ACTR2: variants seen among roughly 807,000 people sequenced by gnomAD.
ACTR2 encodes the protein actin related protein 2, also known as actin-related protein 2.
In ACTR2, 5 loss-of-function variants were observed where a neutral mutation model predicts 50.2. The observed-to-expected ratio is 0.10, with a 90% CI of 0.05 to 0.21. ACTR2 has a LOEUF of 0.21. Among genes scored for constraint, ACTR2 ranks in the 10% least tolerant of loss-of-function variants. The pLI is 1.00. For synonymous variants in ACTR2, 140 were observed against 162.9 expected (o/e 0.86, Z 1.07); for missense variants, 180 against 480.6 (o/e 0.37, Z 5.85).
Position 65,265,225 on chromosome 2 carries a change from C to CAGT in ACTR2, c.1014+54_1014+56dup, listed in dbSNP as rs1313248267. The CAGT allele has an allele frequency of 1.9e-6, 3 of 1,606,646 alleles. No individual in the cohort carries two copies. The African/African-American group carries it at 4.0e-5, about 21-fold the overall frequency. On this transcript the variant is annotated intron_variant, in intron 8 of 8. Transcript: ENST00000260641. ...ACTAACATTCTTTTAAAAGGCTATACAGTAGTTTGTGAATCTTGACAACCA... is the reference window on the plus strand; with the variant it reads ...ACTAACATTCTTTTAAAAGGCTATACAGTAGTAGTTTGTGAATCTTGACAACCA...
chr2:65,253,620 T>C (rs533246838), intron 4 of ACTR2, 108 bp from the exon 5 acceptor site: 1 of 1,078,054 alleles, frequency 9.3e-7, no homozygotes, highest in Non-Finnish European at 1.4e-6. Context: ...AAATTCTGGC[T>C]TCTAGTTGGT....
In ACTR2 at chr2:65,232,669, A is replaced by G. The variant is rs57732099; in HGVS notation, c.48+4712A>G. On this transcript the variant is annotated intron_variant, in intron 1 of 8. Coordinates refer to ENST00000260641, the MANE Select transcript of ACTR2 (RefSeq NM_005722.4). ...CCCAGGTTATTATTTTTTTGAAGAG[A>G]AAAAAAAAATGTACTTTTAGAGCAG... Among the ~76,000 whole-genome samples, 1,154 of 143,732 alleles carry G rather than the reference A, an allele frequency of 8.0e-3. 27 individuals carry two copies. The highest frequency in any genetic ancestry group is 0.029 in the African/African-American group (1,064 of 36,192). The allele number at this position is 143,732 out of a possible 152,430, so 94.3% of individuals were successfully genotyped here.
chr2:65,255,500 C>T, intron 5 of ACTR2, 45 bp from the exon 6 acceptor site: 1 of 1,561,214 alleles, frequency 6.4e-7, no homozygotes. Flanking sequence ...CAGAGTAGAA[C>T]TCATTCAGAT....
At chr2:65,268,083 C>T (rs1173762559) in intron 8 of ACTR2, among the ~76,000 whole-genome samples, 5 of 151,824 alleles carry the variant, frequency 3.3e-5, no homozygotes, top group South Asian at 4.2e-4. Flanking sequence ...GTGATCCGCC[C>T]GCCTTGGCCT....
At chr2:65,251,128 C>G in intron 4 of ACTR2, 29 bp downstream of exon 4, 2 of 1,478,184 alleles carry the variant, frequency 1.4e-6, no homozygotes, top group Non-Finnish European at 1.9e-6. Context: ...TTAGAAAAAA[C>G]ACTTCATCAA....
chr2:65,253,960 C>T (rs1261409521), intron 5 of ACTR2, 96 bp downstream of exon 5: 1 of 1,016,534 alleles, frequency 9.8e-7, no homozygotes, highest in African/African-American at 1.6e-5. Context: ...TCCAGCAAAT[C>T]TGTACCACTA....
At chr2:65,267,805 A>G (rs1214837204) in intron 8 of ACTR2, among the ~76,000 whole-genome samples, 3 of 144,512 alleles carry the variant, frequency 2.1e-5, no homozygotes, top group Non-Finnish European at 3.0e-5. Context: ...GTTTTACTCT[A>G]TTGCCCTGGA....
At chr2:65,248,651 C>A (rs566694898) in intron 3 of ACTR2, among the ~76,000 whole-genome samples, 1 of 152,060 alleles carries the variant, frequency 6.6e-6, no homozygotes, top group African/African-American at 2.4e-5. Context: ...ATAAATGATA[C>A]GGTTCAACAA....
intron 2 of ACTR2, among the ~76,000 whole-genome samples, chr2:65,244,503 C>G (rs1360035924): frequency 1.3e-5 from 2 of 152,100 alleles, no homozygotes; most frequent in East Asian, 3.8e-4. Flanking sequence ...CATATCTGTT[C>G]ATCTGTTCAT....
intron 3 of ACTR2, among the ~76,000 whole-genome samples, chr2:65,247,090 G>A (rs1472929951): frequency 1.3e-5 from 2 of 152,112 alleles, no homozygotes; most frequent in Admixed American, 1.3e-4. Context: ...TAATTAAATG[G>A]TTTGTTAGAA....
chr2:65,265,058 A>G lies in ACTR2; in HGVS notation c.897A>G (p.Lys299=). Residue 299 remains lysine (K), a synonymous_variant, in exon 8 of 9, where the codon AAA becomes AAG. Transcript: ENST00000260641. ...GCCTTTCTAGATCTGAATTCTACAA[A>G]CACATTGTGCTTTCTGGAGGGTCTA... ...ADIDTRSEFY[K]HIVLSGGSTM... is the part of the protein sequence containing the mutation. 6.2e-7 allele frequency: 1 copy of G among 1,614,184 alleles called. No individual in the cohort carries two copies. Among genetic ancestry groups the G allele is most frequent in the Non-Finnish European group, 8.5e-7 (1 of 1,180,034 alleles).
intron 3 of ACTR2, among the ~76,000 whole-genome samples, chr2:65,250,598 T>G (rs1672027919): frequency 8.1e-6 from 1 of 123,346 alleles, no homozygotes; most frequent in Admixed American, 1.0e-4. Context: ...AGTTGAACCC[T>G]GGAGGTGGAG....
Position 65,246,711 on chromosome 2 carries a change from C to G in ACTR2, c.347C>G (p.Pro116Arg), listed in dbSNP as rs769306870. 6.2e-7 allele frequency: 1 copy of G among 1,609,064 alleles called. No homozygotes were observed. The highest frequency in any genetic ancestry group is 8.5e-7 in the Non-Finnish European group (1 of 1,178,230). ...TTACTCACAGAACCTCCTATGAACCCAACCAAAAACAGAGAGAAGATTGTA... is the reference window on the plus strand; with the variant it reads ...TTACTCACAGAACCTCCTATGAACCGAACCAAAAACAGAGAGAAGATTGTA... ...KILLTEPPMN[P>R]TKNREKIVEV... is the part of the protein sequence containing the mutation. Residue 116 changes from proline to arginine, a missense_variant, in exon 3 of 9, where the codon CCA becomes CGA. Physicochemically the swap from Pro to Arg is moderately radical, Grantham distance 103. Coordinates refer to ENST00000260641, the MANE Select transcript of ACTR2 (RefSeq NM_005722.4).
chr2:65,257,434 G>A (rs1448867619), intron 6 of ACTR2, among the ~76,000 whole-genome samples: 1 of 152,198 alleles, frequency 6.6e-6, no homozygotes, highest in Admixed American at 6.5e-5. Context: ...CTTTATAGTA[G>A]CATGATTTAT....
In ACTR2 at chr2:65,239,902, A is replaced by G. The variant is rs1671810050; in HGVS notation, c.99A>G (p.Pro33=). The G allele has an allele frequency of 1.2e-6, 2 of 1,613,364 alleles. No individual in the cohort carries two copies. The highest frequency in any genetic ancestry group is 2.7e-5 in the African/African-American group (2 of 74,930). Reference sequence around the variant, plus strand: ...CTAACTTTCCAGAACACATCTTCCCAGCTTTGGTTGGAAGACCTATTATCA... The same window carrying G: ...CTAACTTTCCAGAACACATCTTCCCGGCTTTGGTTGGAAGACCTATTATCA... ...AGSNFPEHIF[P]ALVGRPIIRS... Residue 33 remains proline, a synonymous_variant, in exon 2 of 9, where the codon CCA becomes CCG. Coordinates refer to ENST00000260641, the MANE Select transcript of ACTR2 (RefSeq NM_005722.4).
rs1372054980 is a variant in ACTR2, at chr2:65,269,906, A to G, written c.*1172A>G. On this transcript the variant is annotated 3_prime_UTR_variant, in exon 9 of 9. Coordinates refer to ENST00000260641, the MANE Select transcript of ACTR2 (RefSeq NM_005722.4). ...TGACTGTTTAAAATGTTGGCCAAAA[A>G]AATCAAGATTTAATTTTTTTATTTG... 1 of 152,228 alleles carries G rather than the reference A, an allele frequency of 6.6e-6. No homozygotes were observed. Among genetic ancestry groups the G allele is most frequent in the Non-Finnish European group, 1.5e-5 (1 of 68,030 alleles). 9.4% of individuals were successfully genotyped at this position (152,228 alleles called of 1,614,324 possible).
chr2:65,255,132 A>G (rs1166154764), intron 5 of ACTR2, among the ~76,000 whole-genome samples: 1 of 152,202 alleles, frequency 6.6e-6, no homozygotes, highest in South Asian at 2.1e-4. Flanking sequence ...ACTAGAAGCT[A>G]AAGATAAAAC....
chr2:65,234,865 A>G (rs1037298980), intron 1 of ACTR2, among the ~76,000 whole-genome samples: 6 of 152,224 alleles, frequency 3.9e-5, no homozygotes, highest in Admixed American at 1.3e-4. Flanking sequence ...GAGATAATTT[A>G]TACGCATATA....
intron 1 of ACTR2, among the ~76,000 whole-genome samples, chr2:65,230,670 T>TAA (rs1671619320): frequency 6.6e-6 from 1 of 151,936 alleles, no homozygotes; most frequent in African/African-American, 2.4e-5. Flanking sequence ...TGCGGCCTCC[T>TAA]AAAGTGCTAG....
Sources: allele counts gnomAD v4.1 joint callset (sites outside exome capture counted in the v4.1 genomes callset), GRCh38; gene constraint gnomAD v4.1.1; transcripts MANE v1.5; gene names NCBI Gene and HGNC (gene_info 2026-07-23, HGNC 2026-07-21).